The following FGF13 variants were observed in gnomAD, a reference collection of about 807,000 sequenced individuals.
The protein encoded by FGF13 is fibroblast growth factor 13, also known as fibroblast growth factor homologous factor 2.
FGF13 carries 2 observed loss-of-function variants against 19.5 expected under a neutral mutation model. The observed-to-expected ratio is 0.10, with a 90% CI of 0.04 to 0.32. The LOEUF (loss-of-function observed/expected upper bound fraction) is 0.32. Ranked by LOEUF, FGF13 falls within the 10% of genes least tolerant of loss-of-function variation. The pLI is 1.00. For missense variants in FGF13, 113 were observed against 192.7 expected (o/e 0.59, Z 2.45); for synonymous variants, 72 against 76.9 (o/e 0.94, Z 0.33).
At chrX:138,721,005 A>G (rs2090143361) in intron 1 of FGF13, among the ~76,000 whole-genome samples, 1 of 111,926 alleles carries the variant, frequency 8.9e-6, no homozygotes, top group Non-Finnish European at 1.9e-5. Context: ...TTTCCTACTG[A>G]TCGCATTCAG....
intron 3 of FGF13, among the ~76,000 whole-genome samples, chrX:138,818,756 G>T (rs2090979341): frequency 9.0e-6 from 1 of 110,758 alleles, no homozygotes; most frequent in South Asian, 3.8e-4. Flanking sequence ...GTTTACTTTG[G>T]GAGGGCTGTC....
intron 1 of FGF13, among the ~76,000 whole-genome samples, chrX:138,950,921 G>C (rs1193299830): frequency 1.8e-5 from 2 of 111,095 alleles, no homozygotes; most frequent in Non-Finnish European, 1.9e-5. Flanking sequence ...AAAACTCTTG[G>C]TGAAACTGGT....
intron 1 of FGF13, among the ~76,000 whole-genome samples, chrX:138,980,186 T>C (rs2091957588): frequency 9.0e-6 from 1 of 111,464 alleles, no homozygotes; most frequent in Admixed American, 9.5e-5. Flanking sequence ...AAAGAGAAAT[T>C]GAGGATCACC....
chrX:139,184,066 T>C (rs756388328), intron 1 of FGF13, among the ~76,000 whole-genome samples: 3 of 112,528 alleles, frequency 2.7e-5, no homozygotes, highest in East Asian at 5.6e-4. Context: ...TACTTTCTTT[T>C]GCATAAATGA....
chrX:138,733,414 A>G (rs2090247932), intron 1 of FGF13, among the ~76,000 whole-genome samples: 1 of 111,995 alleles, frequency 8.9e-6, no homozygotes, highest in South Asian at 3.7e-4. Flanking sequence ...ATTAATAGCT[A>G]CCAAAGACTA....
At chrX:138,689,771 C>T (rs1165650896) in intron 3 of FGF13, among the ~76,000 whole-genome samples, 3 of 112,190 alleles carry the variant, frequency 2.7e-5, no homozygotes, top group Non-Finnish European at 5.6e-5. Context: ...CAAAACCACC[C>T]ATCATGGTTC....
intron 3 of FGF13, among the ~76,000 whole-genome samples, chrX:138,675,835 C>T (rs1291246007): frequency 4.5e-5 from 5 of 110,994 alleles, no homozygotes; most frequent in Admixed American, 9.6e-5. Context: ...AATTTAGAAA[C>T]TTGCATACGG....
Position 138,616,092 on chromosome X carries a change from T to C in FGF13, c.*16758A>G, listed in dbSNP as rs1341136664. 9.0e-6 allele frequency: 1 copy of C among 111,703 alleles called. No homozygotes were observed. The highest frequency in any genetic ancestry group is 1.9e-5 in the Non-Finnish European group (1 of 53,203). The allele number at this position is 111,703 out of a possible 1,213,427, so 9.2% of individuals were successfully genotyped here. A position where few individuals can be genotyped will look rare whatever the true frequency, so the allele number is the denominator to read the frequency against. ...TCCTCCCAAATCTCATGTTCTCACA[T>C]TTCAAAACACAATCATGCCCTTCCA... On this transcript the variant is annotated 3_prime_UTR_variant, in exon 5 of 5. Transcript: ENST00000315930.
At chrX:138,980,394 C>A (rs1332881585) in intron 1 of FGF13, among the ~76,000 whole-genome samples, 1 of 111,697 alleles carries the variant, frequency 9.0e-6, no homozygotes, top group Non-Finnish European at 1.9e-5. Context: ...AAGTAGAAAT[C>A]AAAAAGAATA....
intron 1 of FGF13, among the ~76,000 whole-genome samples, chrX:139,045,606 C>G (rs1355980258): frequency 8.9e-6 from 1 of 112,368 alleles, no homozygotes; most frequent in Non-Finnish European, 1.9e-5. Context: ...TTAGAAGAAG[C>G]CAGGGTAGCT....
rs189539433 is a variant in FGF13 at position 139,004,061 on chromosome X, C to T, written c.-112-139411G>A. On this transcript the variant is annotated intron_variant, in intron 1 of 2. Coordinates refer to the FGF13 transcript ENST00000421460. ...CCCTTGGGTGGTAGATGGGACTGGG[C>T]GCTGTGGAGCAGGGGGTGGTGCTCG... Among the ~76,000 whole-genome samples the T allele has an allele frequency of 5.4e-4, 61 of 112,619 alleles. No individual in the cohort carries two copies. In the East Asian group the frequency reaches 0.015, roughly 28 times the overall value.
At chrX:138,634,258 G>A (rs923565838) in intron 4 of FGF13, among the ~76,000 whole-genome samples, 3 of 111,257 alleles carry the variant, frequency 2.7e-5, no homozygotes, top group Non-Finnish European at 5.7e-5. Context: ...CCAGTGGCAC[G>A]ATCTCAGCTC....
chrX:138,654,515 C>T lies in FGF13; in HGVS notation c.403-18860G>A, dbSNP rs145052694. Among the ~76,000 whole-genome samples, 854 of 111,128 alleles carry T rather than the reference C, an allele frequency of 7.7e-3. 9 individuals are homozygous for T. Among genetic ancestry groups the T allele is most frequent in the South Asian group, 0.052 (138 of 2,633 alleles). On this transcript the variant is annotated intron_variant, in intron 3 of 4. Transcript: ENST00000315930. The stretch of plus-strand genomic sequence containing the variant: ...CAACACTTTGGGAGGCTGAGGTGGG[C>T]GGATCGCTTGAGGTCAGGAGTTCAA...
chrX:138,781,315 T>C (rs1195597330), intron 3 of FGF13, among the ~76,000 whole-genome samples: 2 of 107,823 alleles, frequency 1.9e-5, no homozygotes, highest in African/African-American at 6.8e-5. Context: ...ATAACTAAAA[T>C]CAGAGCAGAA....
intron 1 of FGF13, among the ~76,000 whole-genome samples, chrX:138,985,591 C>T (rs774698169): frequency 2.9e-4 from 32 of 111,894 alleles, no homozygotes; most frequent in African/African-American, 1.0e-3. Flanking sequence ...CCTGAAAGTG[C>T]TTCCAGGTTT....
At chrX:138,723,055 A>G (rs1365445298) in intron 1 of FGF13, among the ~76,000 whole-genome samples, 1 of 108,975 alleles carries the variant, frequency 9.2e-6, no homozygotes, top group Non-Finnish European at 1.9e-5. Flanking sequence ...AATTTTGCCT[A>G]AGGTCACACA....
At chrX:139,076,470 A>C (rs1289164616) in intron 1 of FGF13, among the ~76,000 whole-genome samples, 1 of 111,803 alleles carries the variant, frequency 8.9e-6, no homozygotes, top group East Asian at 2.8e-4. Context: ...CACACACACA[A>C]AACAGGGAAC....
At chrX:138,642,567 C>A (rs1353619859) in intron 3 of FGF13, among the ~76,000 whole-genome samples, 1 of 110,820 alleles carries the variant, frequency 9.0e-6, no homozygotes, top group African/African-American at 3.3e-5. Context: ...GAAATCAAGG[C>A]CAAATAAATA....
intron 1 of FGF13, among the ~76,000 whole-genome samples, chrX:138,922,338 G>A (rs1396310623): frequency 1.4e-4 from 16 of 111,586 alleles, no homozygotes; most frequent in Non-Finnish European, 7.5e-5. Context: ...AATCAAAATG[G>A]CCCCAAGGGT....
Sources: gnomAD v4.1 joint callset for allele counts (sites outside exome capture counted in the v4.1 genomes callset) on GRCh38, gnomAD v4.1.1 for gene constraint, MANE v1.5 for transcripts, NCBI Gene and HGNC (gene_info 2026-07-23, HGNC 2026-07-21) for gene names.